The following SMIM26 variants were observed in gnomAD, a reference collection of about 807,000 sequenced individuals.
SMIM26 encodes the protein small integral membrane protein 26.
In SMIM26, 2 loss-of-function variants were observed where a neutral mutation model predicts 2.5. The ratio of observed to expected loss-of-function variants is 0.80; its 90% CI spans 0.33 to 2.53. The LOEUF (loss-of-function observed/expected upper bound fraction) is 2.53, where lower values mean the gene tolerates loss of function less well. Ranked by LOEUF, SMIM26 falls within the 30% of genes most tolerant of loss-of-function variation. The pLI is 0.11. For missense variants in SMIM26, 77 were observed against 46.1 expected (o/e 1.67, Z -1.94); for synonymous variants, 32 against 17.8 (o/e 1.80, Z -2.01).
downstream of SMIM26, chr20:18,569,574 C>CTTTTT (rs71194252): frequency 1.0e-5 from 4 of 386,910 alleles, no homozygotes; most frequent in Admixed American, 4.0e-5. Flanking sequence ...TCTGCGTTTT[C>CTTTTT]TTTTTTTTTT....
At chr20:18,568,806 T>G (rs1021573344) in intron 1 of SMIM26, 3 of 153,334 alleles carry the variant, frequency 2.0e-5, no homozygotes, top group Admixed American at 6.5e-5. Context: ...AGACAGAGTC[T>G]AGCTCTGTCG....
chr20:18,567,449 G>A lies in SMIM26; in HGVS notation c.-30G>A, dbSNP rs1224617550. ...GAAGTCCCGCCTCTGCCGTGGGCCT[G>A]CGAGAATCGAGGCACTCGCTGGCGT... On this transcript the variant is annotated 5_prime_UTR_variant, in exon 1 of 2. Transcript: ENST00000411646. The A allele has an allele frequency of 1.4e-6, 1 of 702,922 alleles. No homozygotes were observed. The allele number at this position is 702,922 out of a possible 1,614,324, so 43.5% of individuals were successfully genotyped here.
chr20:18,567,932 T>C (rs975078606), intron 1 of SMIM26, among the ~76,000 whole-genome samples: 1 of 152,214 alleles, frequency 6.6e-6, no homozygotes, highest in African/African-American at 2.4e-5. Flanking sequence ...AGTACTACTG[T>C]CCCTCATCGT....
chr20:18,569,018 C>T (rs1285062871), intron 1 of SMIM26: 1 of 431,774 alleles, frequency 2.3e-6, no homozygotes, highest in Admixed American at 4.0e-5. Context: ...TCAGGTGGTC[C>T]ACCTGCCTCG....
chr20:18,569,440 C>G lies in SMIM26; in HGVS notation c.*35C>G, dbSNP rs1458684839. The G allele has an allele frequency of 2.8e-6, 2 of 702,626 alleles. No homozygotes were observed. 43.5% of individuals were successfully genotyped at this position (702,626 alleles called of 1,614,324 possible). ...GAATTCTGAAAACCAGGACTTGGTT[C>G]AACATTTAAATTTGATAGTTGCCCT... On this transcript the variant is annotated 3_prime_UTR_variant, in exon 2 of 2. Transcript: ENST00000411646.
intron 1 of SMIM26, among the ~76,000 whole-genome samples, chr20:18,568,169 G>A (rs1171127592): frequency 2.6e-5 from 4 of 152,194 alleles, no homozygotes; most frequent in African/African-American, 9.6e-5. Flanking sequence ...TAAATTGATT[G>A]TGGTGCTGGT....
Position 18,569,526 on chromosome 20 carries a change from C to G in SMIM26, c.*121C>G, listed in dbSNP as rs750957965. ...TTAAATTTGCTGTAAAACATAATCA[C>G]TAATAATATGCAATAAATATTTTCT... is the stretch of plus-strand genomic sequence containing the variant. On this transcript the variant is annotated 3_prime_UTR_variant, in exon 2 of 2. Transcript: ENST00000411646. 2 of 656,400 alleles carry G rather than the reference C, an allele frequency of 3.0e-6. No individual in the cohort carries two copies. The highest frequency in any genetic ancestry group is 3.2e-5 in the South Asian group (2 of 62,134). The allele number at this position is 656,400 out of a possible 1,614,324, so 40.7% of individuals were successfully genotyped here.
chr20:18,567,633 G>A (rs1256074915), intron 1 of SMIM26, 37 bp downstream of exon 1: 8 of 697,026 alleles, frequency 1.1e-5, no homozygotes, highest in Non-Finnish European at 1.8e-5. Context: ...CGGAACACAC[G>A]GCCTTCGATG....
In SMIM26 at chr20:18,569,397, G is replaced by C; in HGVS notation, c.280G>C (p.Glu94Gln). 1.4e-6 allele frequency: 1 copy of C among 702,836 alleles called. No homozygotes were observed. The highest frequency in any genetic ancestry group is 2.6e-6 in the Non-Finnish European group (1 of 384,978). 43.5% of individuals were successfully genotyped at this position (702,836 alleles called of 1,614,324 possible). Residue 94 changes from glutamate (E) to glutamine (Q), a missense_variant, in exon 2 of 2, where the codon GAA (glutamate) becomes CAA (glutamine). Coordinates refer to ENST00000411646, the MANE Select transcript of SMIM26 (RefSeq NM_001348957.2). Reference sequence around the variant, plus strand: ...ATCATGGACTGGTGGCCCTGGTACAGAACCATGACTGGCTGCTGAATTCTG... The same window carrying C: ...ATCATGGACTGGTGGCCCTGGTACACAACCATGACTGGCTGCTGAATTCTG... Reference protein sequence around the residue: ...WKSWTGGPGTEP With the variant: ...WKSWTGGPGTQP
In SMIM26 at chr20:18,569,373, T is replaced by C; in HGVS notation, c.256T>C (p.Ser86Pro). Reference protein sequence around the residue: ...NTEKILNYWKSWTGGPGTEP With the variant: ...NTEKILNYWKPWTGGPGTEP ...AGAAAAGATCCTCAACTATTGGAAA[T>C]CATGGACTGGTGGCCCTGGTACAGA... Residue 86 changes from serine (S) to proline (P), a missense_variant, in exon 2 of 2, where the codon TCA becomes CCA. Transcript: ENST00000411646. The C allele has an allele frequency of 1.4e-6, 1 of 702,904 alleles. No individual in the cohort carries two copies. The highest frequency in any genetic ancestry group is 2.6e-6 in the Non-Finnish European group (1 of 384,966). The allele number at this position is 702,904 out of a possible 1,614,324, so 43.5% of individuals were successfully genotyped here.
In SMIM26 at chr20:18,567,469, T is replaced by G. The variant is rs2060517108; in HGVS notation, c.-10T>G. On this transcript the variant is annotated 5_prime_UTR_variant, in exon 1 of 2. Coordinates refer to ENST00000411646, the MANE Select transcript of SMIM26 (RefSeq NM_001348957.2). ...GGCCTGCGAGAATCGAGGCACTCGC[T>G]GGCGTACCCATGTATCGAAATGAGT... 2 of 702,916 alleles carry G rather than the reference T, an allele frequency of 2.8e-6. No individual in the cohort carries two copies. The highest frequency in any genetic ancestry group is 3.5e-5 in the African/African-American group (2 of 57,258). 43.5% of individuals were successfully genotyped at this position (702,916 alleles called of 1,614,324 possible). A position where few individuals can be genotyped will look rare whatever the true frequency, so the allele number is the denominator to read the frequency against.
At chr20:18,569,160 C>A in intron 1 of SMIM26, 76 bp from the exon 2 acceptor site, 1 of 610,882 alleles carries the variant, frequency 1.6e-6, no homozygotes. Flanking sequence ...TAGTTAATTT[C>A]TAAGACTTTA....
intron 1 of SMIM26, 166 bp from the exon 2 acceptor site, chr20:18,569,070 G>T (rs1264710328): frequency 5.6e-6 from 3 of 539,834 alleles, no homozygotes; most frequent in Non-Finnish European, 9.8e-6. Context: ...GTGAGCCACC[G>T]CACCCAGCTT....
chr20:18,569,296 G>C lies in SMIM26; in HGVS notation c.179G>C (p.Gly60Ala), dbSNP rs766285134. ...AGTGAACTCTCTGAACGCCCAAAAG[G>C]ATTTTATGTGGAAACAGTTGTCACA... ...VPSELSERPKGFYVETVVTYK... is the reference protein window; with the variant it reads ...VPSELSERPKAFYVETVVTYK... The change falls in exon 2 of 2, where the codon GGA (glycine) becomes GCA (alanine). Residue 60 changes from glycine to alanine, a missense_variant. Transcript: ENST00000411646. The C allele has an allele frequency of 2.0e-5, 14 of 702,516 alleles. No individual in the cohort carries two copies. The African/African-American group carries it at 2.5e-4, about 12-fold the overall frequency. 43.5% of individuals were successfully genotyped at this position (702,516 alleles called of 1,614,324 possible).
At position 18,567,511 on chromosome 20, in the gene SMIM26, G is replaced by A. The variant is rs1251127365; in HGVS notation, c.33G>A (p.Arg11=). Residue 11 remains arginine (R), a synonymous_variant, in exon 1 of 2, where the codon CGG becomes CGA. Transcript: ENST00000411646. The stretch of plus-strand genomic sequence containing the variant: ...GAAATGAGTTCACGGCCTGGTACCG[G>A]CGGATGTCGGTGGTCTACGGGATCG... MYRNEFTAWY[R]RMSVVYGIGT... The A allele has an allele frequency of 1.4e-6, 1 of 702,946 alleles. No homozygotes were observed. Among genetic ancestry groups the A allele is most frequent in the Non-Finnish European group, 2.6e-6 (1 of 385,020 alleles). 43.5% of individuals were successfully genotyped at this position (702,946 alleles called of 1,614,324 possible).
rs1209731421 is a variant in SMIM26, at chr20:18,569,498, TA to T, written c.*94del. 2.9e-6 allele frequency: 2 copies of T among 697,064 alleles called. No individual in the cohort carries two copies. Among genetic ancestry groups the T allele is most frequent in the Non-Finnish European group, 5.2e-6 (2 of 382,334 alleles). 43.2% of individuals were successfully genotyped at this position (697,064 alleles called of 1,614,324 possible). A position where few individuals can be genotyped will look rare whatever the true frequency, so the allele number is the denominator to read the frequency against. On this transcript the variant is annotated 3_prime_UTR_variant, in exon 2 of 2. Coordinates refer to ENST00000411646, the MANE Select transcript of SMIM26 (RefSeq NM_001348957.2). ...ATTTTGGGTTTGTGAAAAGTGTATG[TA>T]TTTAAATTTGCTGTAAAACATAATC...
At chr20:18,568,988 C>A in intron 1 of SMIM26, 2 of 360,926 alleles carry the variant, frequency 5.5e-6, no homozygotes, top group Non-Finnish European at 1.0e-5. Context: ...GTTGGCGAGG[C>A]TGGTCTCAAA....
Position 18,567,435 on chromosome 20 carries a change from T to G in SMIM26, c.-44T>G, listed in dbSNP as rs751579131. On this transcript the variant is annotated 5_prime_UTR_variant, in exon 1 of 2. Coordinates refer to ENST00000411646, the MANE Select transcript of SMIM26 (RefSeq NM_001348957.2). The stretch of plus-strand genomic sequence containing the variant: ...CGACGCCCTCACCGGAAGTCCCGCC[T>G]CTGCCGTGGGCCTGCGAGAATCGAG... 7.1e-6 allele frequency: 5 copies of G among 702,136 alleles called. No homozygotes were observed. In the African/African-American group the frequency reaches 8.7e-5, roughly 12 times the overall value. The allele number at this position is 702,136 out of a possible 1,614,324, so 43.5% of individuals were successfully genotyped here.
At chr20:18,568,050 A>G (rs376143576) in intron 1 of SMIM26, among the ~76,000 whole-genome samples, 9 of 152,186 alleles carry the variant, frequency 5.9e-5, no homozygotes, top group Admixed American at 4.6e-4. Flanking sequence ...TATGCTGGAA[A>G]TCTGTAGAGA....
Sources: allele counts gnomAD v4.1 joint callset (sites outside exome capture counted in the v4.1 genomes callset), GRCh38; gene constraint gnomAD v4.1.1; transcripts MANE v1.5; gene names NCBI Gene and HGNC (gene_info 2026-07-23, HGNC 2026-07-21).